The following SRBD1 variants were observed in gnomAD, a reference collection of about 807,000 sequenced individuals.
SRBD1 encodes the protein S1 RNA binding domain 1, also known as S1 RNA-binding domain-containing protein 1.
A neutral mutation model predicts 115.3 loss-of-function variants in SRBD1; 88 were observed. The observed-to-expected ratio is 0.76, with a 90% CI of 0.64 to 0.91. The LOEUF (loss-of-function observed/expected upper bound fraction) is 0.91, where lower values mean the gene tolerates loss of function less well. Ranked by LOEUF, SRBD1 falls within the 40% of genes least tolerant of loss-of-function variation. The pLI, the probability that SRBD1 is intolerant of heterozygous loss-of-function variation, is 0.00. For synonymous variants in SRBD1, 509 were observed against 407.7 expected (o/e 1.25, Z -2.99); for missense variants, 1,385 against 1,177.4 (o/e 1.18, Z -2.58).
At chr2:45,575,891 A>G (rs1309203590) in intron 7 of SRBD1, among the ~76,000 whole-genome samples, 1 of 152,134 alleles carries the variant, frequency 6.6e-6, no homozygotes, top group Non-Finnish European at 1.5e-5. Context: ...TTTAGTAGTG[A>G]CGGGCTTTCA....
chr2:45,600,554 T>C (rs527814732), intron 3 of SRBD1, among the ~76,000 whole-genome samples: 137 of 152,202 alleles, frequency 9.0e-4, no homozygotes, highest in African/African-American at 3.1e-3. Flanking sequence ...GAGTAGAGGA[T>C]AGAACACAGA....
At chr2:45,460,301 A>G (rs554834133) in intron 16 of SRBD1, among the ~76,000 whole-genome samples, 2 of 152,274 alleles carry the variant, frequency 1.3e-5, no homozygotes, top group South Asian at 4.1e-4. Flanking sequence ...TAAATTTGTC[A>G]ACACATATCC....
intron 11 of SRBD1, among the ~76,000 whole-genome samples, chr2:45,551,697 T>C (rs760445623): frequency 1.1e-4 from 16 of 152,224 alleles, no homozygotes; most frequent in East Asian, 5.8e-4. Flanking sequence ...TGGCTCATCA[T>C]AGAAACAGCA....
At chr2:45,597,603 T>G (rs1425481375) in intron 4 of SRBD1, among the ~76,000 whole-genome samples, 1 of 152,152 alleles carries the variant, frequency 6.6e-6, no homozygotes, top group East Asian at 1.9e-4. Flanking sequence ...TTGGTGATTA[T>G]AAGACACCAG....
intron 18 of SRBD1, among the ~76,000 whole-genome samples, chr2:45,414,372 A>C (rs1008664721): frequency 9.2e-5 from 14 of 152,048 alleles, no homozygotes; most frequent in Non-Finnish European, 2.9e-5. Context: ...ATTAAATTAA[A>C]TAAGTGCTCA....
At chr2:45,605,718 A>C (rs1674248185) in intron 1 of SRBD1, among the ~76,000 whole-genome samples, 1 of 152,174 alleles carries the variant, frequency 6.6e-6, no homozygotes, top group African/African-American at 2.4e-5. Context: ...AGCCTGGCCA[A>C]CATGGTGAAA....
At chr2:45,419,142 G>A (rs1667924015) in intron 17 of SRBD1, among the ~76,000 whole-genome samples, 1 of 152,168 alleles carries the variant, frequency 6.6e-6, no homozygotes, top group African/African-American at 2.4e-5. Context: ...TGAAATGTTT[G>A]TAGATGTGTT....
At chr2:45,497,764 T>A (rs1291072484) in intron 14 of SRBD1, among the ~76,000 whole-genome samples, 1 of 151,886 alleles carries the variant, frequency 6.6e-6, no homozygotes, top group African/African-American at 2.4e-5. Context: ...CAGCCAGGCG[T>A]GGTGGCTCAC....
intron 14 of SRBD1, among the ~76,000 whole-genome samples, chr2:45,541,896 G>A (rs1053365377): frequency 6.6e-6 from 1 of 152,248 alleles, no homozygotes; most frequent in Admixed American, 6.5e-5. Flanking sequence ...GGGCAGCCAT[G>A]GGCATGTCTG....
rs189706364 is a variant in SRBD1 at position 45,483,979 on chromosome 2, T to C, written c.1966+4261A>G. On this transcript the variant is annotated intron_variant, in intron 15 of 20. Transcript: ENST00000263736. ...ACTAGTATAAACTTTTCAAAATTCATAGATGATGTACCTAAAAAGGGTGAC... is the reference window on the plus strand; with the variant it reads ...ACTAGTATAAACTTTTCAAAATTCACAGATGATGTACCTAAAAAGGGTGAC... Among the ~76,000 whole-genome samples, 7 of 152,242 alleles carry C rather than the reference T, an allele frequency of 4.6e-5. No homozygotes were observed. In the East Asian group the frequency reaches 1.2e-3, roughly 25 times the overall value.
intron 14 of SRBD1, among the ~76,000 whole-genome samples, chr2:45,527,078 T>C (rs1572736039): frequency 6.6e-6 from 1 of 151,938 alleles, no homozygotes; most frequent in East Asian, 1.9e-4. Flanking sequence ...AAAGCATACC[T>C]TTTATTTTTT....
chr2:45,423,506 A>C (rs914030011), intron 16 of SRBD1, among the ~76,000 whole-genome samples: 4 of 152,184 alleles, frequency 2.6e-5, no homozygotes, highest in Admixed American at 6.5e-5. Flanking sequence ...AAACTGACTC[A>C]AGAAGAAATA....
chr2:45,543,495 G>A (rs1558466750), intron 14 of SRBD1, among the ~76,000 whole-genome samples: 1 of 152,184 alleles, frequency 6.6e-6, no homozygotes, highest in South Asian at 2.1e-4. Flanking sequence ...GGTTTTTCAG[G>A]ATGAGTGGCT....
intron 15 of SRBD1, among the ~76,000 whole-genome samples, chr2:45,485,414 T>C (rs1670088075): frequency 6.6e-6 from 1 of 152,210 alleles, no homozygotes; most frequent in Non-Finnish European, 1.5e-5. Context: ...AGGTTTTATC[T>C]TAGTAGGTTT....
intron 19 of SRBD1, among the ~76,000 whole-genome samples, chr2:45,403,086 C>T (rs1298266058): frequency 2.0e-5 from 3 of 152,156 alleles, no homozygotes; most frequent in African/African-American, 7.2e-5. Flanking sequence ...AAGAAATCCT[C>T]TTTCATGGTC....
intron 19 of SRBD1, among the ~76,000 whole-genome samples, chr2:45,397,229 T>G (rs371895764): frequency 6.6e-6 from 1 of 152,196 alleles, no homozygotes; most frequent in Non-Finnish European, 1.5e-5. Context: ...TCTAAAAAAC[T>G]ATGTAAACTG....
rs570120943 is a variant in SRBD1 at position 45,442,999 on chromosome 2, T to C, written c.2050-23105A>G. Among the ~76,000 whole-genome samples, 5 of 152,298 alleles carry C rather than the reference T, an allele frequency of 3.3e-5. No homozygotes were observed. In the East Asian group the frequency reaches 9.6e-4, roughly 29 times the overall value. On this transcript the variant is annotated intron_variant, in intron 16 of 20. Coordinates refer to ENST00000263736, the MANE Select transcript of SRBD1 (RefSeq NM_018079.5). ...TGCTGAAATTGAAAGGAGGGCAATC[T>C]GGCTGAGACATAACCAAAAAAAGGG...
intron 16 of SRBD1, among the ~76,000 whole-genome samples, chr2:45,453,268 G>GA (rs534496837): frequency 0.062 from 7,912 of 127,356 alleles, 677 homozygotes; most frequent in African/African-American, 0.21. Context: ...CTGCTATAAG[G>GA]AAAAAAAAAA....
chr2:45,421,810 G>T (rs1668015781), intron 16 of SRBD1, among the ~76,000 whole-genome samples: 2 of 152,088 alleles, frequency 1.3e-5, no homozygotes, highest in South Asian at 4.1e-4. Flanking sequence ...GGGTACAGGA[G>T]CACTTCTGTA....
Sources: gnomAD v4.1 joint callset for allele counts (sites outside exome capture counted in the v4.1 genomes callset) on GRCh38, gnomAD v4.1.1 for gene constraint, MANE v1.5 for transcripts, NCBI Gene and HGNC (gene_info 2026-07-23, HGNC 2026-07-21) for gene names.